Variants in IQSEC1 observed in about 807,000 individuals in gnomAD.
IQSEC1 encodes the protein IQ motif and SEC7 domain-containing protein 1.
Under a neutral mutation model 91.0 loss-of-function variants are expected in IQSEC1, and 31 were observed. The observed-to-expected ratio is 0.34, with a 90% CI of 0.26 to 0.46. The LOEUF (loss-of-function observed/expected upper bound fraction) is 0.46, where lower values mean the gene tolerates loss of function less well. Among genes scored for constraint, IQSEC1 ranks in the 20% least tolerant of loss-of-function variants. The pLI, the probability that IQSEC1 is intolerant of heterozygous loss-of-function variation, is 1.00. For missense variants in IQSEC1, 1,388 were observed against 1,575.6 expected, an observed-to-expected ratio of 0.88 and a Z score of 2.02; for synonymous variants, 699 against 662.6, an observed-to-expected ratio of 1.05 and a Z score of -0.84.
intron 2 of IQSEC1, among the ~76,000 whole-genome samples, chr3:13,155,868 G>A (rs531322694): frequency 6.6e-6 from 1 of 152,192 alleles, no homozygotes; most frequent in South Asian, 2.1e-4. Context: ...AAAACACATG[G>A]CCATCTTAAT....
At chr3:13,235,264 T>C (rs1045306569) in intron 1 of IQSEC1, among the ~76,000 whole-genome samples, 1 of 152,140 alleles carries the variant, frequency 6.6e-6, no homozygotes, top group Non-Finnish European at 1.5e-5. Flanking sequence ...CACTGTGGCC[T>C]GGCTCCCACA....
intron 12 of IQSEC1, among the ~76,000 whole-genome samples, chr3:12,905,562 G>A (rs569675388): frequency 6.6e-6 from 1 of 152,384 alleles, no homozygotes; most frequent in East Asian, 1.9e-4. Context: ...TGGGGGATGA[G>A]CTCAGGCTGT....
At chr3:12,990,555 T>C (rs2125626095) in intron 1 of IQSEC1, among the ~76,000 whole-genome samples, 1 of 152,292 alleles carries the variant, frequency 6.6e-6, no homozygotes, top group East Asian at 1.9e-4. Context: ...CAGAGGTCAT[T>C]AGCTCCCACA....
intron 1 of IQSEC1, among the ~76,000 whole-genome samples, chr3:13,038,495 G>A (rs1704129175): frequency 6.6e-6 from 1 of 151,818 alleles, no homozygotes; most frequent in African/African-American, 2.4e-5. Context: ...TCAGAATTGG[G>A]AAGGGTAGTC....
chr3:12,915,767 G>T, intron 6 of IQSEC1, 34 bp from the exon 7 acceptor site: 1 of 1,605,190 alleles, frequency 6.2e-7, no homozygotes, highest in South Asian at 1.1e-5. Flanking sequence ...ATCAGGGTGG[G>T]CCCCAGGCTC....
At chr3:13,053,125 C>T (rs557326128) in intron 1 of IQSEC1, 38 of 833,456 alleles carry the variant, frequency 4.6e-5, no homozygotes, top group South Asian at 4.0e-4. Context: ...GAAGACATGG[C>T]GAGAAGCGGA....
At chr3:13,231,102 G>C (rs1165065881) in intron 1 of IQSEC1, among the ~76,000 whole-genome samples, 1 of 152,174 alleles carries the variant, frequency 6.6e-6, no homozygotes, top group Admixed American at 6.5e-5. Context: ...ACTCTGATAG[G>C]AGCTCTTTTC....
intron 1 of IQSEC1, among the ~76,000 whole-genome samples, chr3:13,000,880 G>A (rs1482129539): frequency 1.3e-5 from 2 of 152,076 alleles, no homozygotes; most frequent in Non-Finnish European, 2.9e-5. Context: ...GAGATGGGTG[G>A]TGTGCCCTCC....
At chr3:13,021,707 C>A (rs1269455673) in intron 1 of IQSEC1, among the ~76,000 whole-genome samples, 4 of 152,204 alleles carry the variant, frequency 2.6e-5, no homozygotes, top group African/African-American at 4.8e-5. Flanking sequence ...TGGTGGGTAA[C>A]AGGCTCAGAG....
chr3:13,278,277 G>A (rs148251863), intron 1 of IQSEC1, among the ~76,000 whole-genome samples: 175 of 152,070 alleles, frequency 1.2e-3, no homozygotes, highest in African/African-American at 3.7e-3. Flanking sequence ...CTCCTTAGGC[G>A]ATGTTTCCTT....
At chr3:12,937,084 C>A (rs1462729736) in intron 2 of IQSEC1, among the ~76,000 whole-genome samples, 1 of 152,126 alleles carries the variant, frequency 6.6e-6, no homozygotes, top group African/African-American at 2.4e-5. Flanking sequence ...AGACACCCAC[C>A]ACCACGCCCA....
At chr3:12,929,300 G>A (rs941834544) in intron 3 of IQSEC1, among the ~76,000 whole-genome samples, 3 of 152,218 alleles carry the variant, frequency 2.0e-5, no homozygotes, top group African/African-American at 7.2e-5. Flanking sequence ...TGGAAGGAGA[G>A]GCCTGGGCTA....
intron 1 of IQSEC1, among the ~76,000 whole-genome samples, chr3:13,034,929 G>A (rs190677518): frequency 7.5e-4 from 114 of 152,314 alleles, no homozygotes; most frequent in Middle Eastern, 6.8e-3. Context: ...GATCGGCCTC[G>A]CCCCGACAGG....
chr3:13,149,451 C>G (rs550329199), intron 2 of IQSEC1, among the ~76,000 whole-genome samples: 2 of 152,032 alleles, frequency 1.3e-5, no homozygotes, highest in Non-Finnish European at 2.9e-5. Flanking sequence ...AGAGGACAGG[C>G]AGGGACAGGA....
intron 1 of IQSEC1, among the ~76,000 whole-genome samples, chr3:13,225,760 A>C (rs1694742217): frequency 6.6e-6 from 1 of 152,232 alleles, no homozygotes; most frequent in Non-Finnish European, 1.5e-5. Flanking sequence ...AGATAAGTTA[A>C]CCCTACCTGG....
chr3:13,281,641 T>A (rs1695792016), intron 1 of IQSEC1, among the ~76,000 whole-genome samples: 1 of 152,122 alleles, frequency 6.6e-6, no homozygotes, highest in Non-Finnish European at 1.5e-5. Flanking sequence ...CGGGTTTCCA[T>A]GACAGTACTG....
intron 1 of IQSEC1, among the ~76,000 whole-genome samples, chr3:13,062,650 C>T (rs566383108): frequency 8.5e-5 from 13 of 152,122 alleles, no homozygotes; most frequent in African/African-American, 2.2e-4. Flanking sequence ...GGGACAGACA[C>T]CCGAACAAGG....
chr3:13,049,220 G>A (rs866612539), intron 1 of IQSEC1, among the ~76,000 whole-genome samples: 1 of 152,184 alleles, frequency 6.6e-6, no homozygotes, highest in South Asian at 2.1e-4. Flanking sequence ...TGGCCGCTCA[G>A]CTGCACACGA....
At chr3:13,178,163 T>C (rs905807065) in intron 1 of IQSEC1, among the ~76,000 whole-genome samples, 2 of 152,260 alleles carry the variant, frequency 1.3e-5, no homozygotes, top group Non-Finnish European at 2.9e-5. Context: ...GGGCAGTCTC[T>C]GTCCTGCATT....
Sources: gnomAD v4.1 joint callset for allele counts (sites outside exome capture counted in the v4.1 genomes callset) on GRCh38, gnomAD v4.1.1 for gene constraint, MANE v1.5 for transcripts, NCBI Gene and HGNC (gene_info 2026-07-23, HGNC 2026-07-21) for gene names.